Variants in NUDT5 observed in about 807,000 individuals in gnomAD.
NUDT5 encodes ADP-sugar pyrophosphatase.
A neutral mutation model predicts 34.1 loss-of-function variants in NUDT5; 21 were observed. The ratio of observed to expected loss-of-function variants is 0.62; its 90% CI spans 0.44 to 0.89. The LOEUF (loss-of-function observed/expected upper bound fraction) is 0.89, where lower values mean the gene tolerates loss of function less well. Among genes scored for constraint, NUDT5 ranks in the 40% least tolerant of loss-of-function variants. The pLI, the probability that NUDT5 is intolerant of heterozygous loss-of-function variation, is 0.00. For synonymous variants in NUDT5, 85 were observed against 97.6 expected (o/e 0.87, Z 0.76); for missense variants, 249 against 274.8 (o/e 0.91, Z 0.66).
intron 1 of NUDT5, among the ~76,000 whole-genome samples, chr10:12,193,595 C>T (rs1323040109): frequency 6.6e-6 from 1 of 152,206 alleles, no homozygotes; most frequent in South Asian, 2.1e-4. Context: ...AGTGAACCCT[C>T]ATTTAGCTGT....
Position 12,170,110 on chromosome 10 carries a change from T to C in NUDT5, c.550+607A>G. 1 of 1,612,216 alleles carries C rather than the reference T, an allele frequency of 6.2e-7. No homozygotes were observed. Among genetic ancestry groups the C allele is most frequent in the Non-Finnish European group, 8.5e-7 (1 of 1,179,378 alleles). ...TCCATACAGTATCTCCTCTCGTGGT[T>C]TTATCAAAGGACTTTTCTCCCCATA... On this transcript the variant is annotated intron_variant, in intron 9 of 9. Coordinates refer to ENST00000491614, the MANE Select transcript of NUDT5 (RefSeq NM_014142.4). This position sits in a 1 kb window ranked among gnomAD's most constrained non-coding sequence, Gnocchi z 4.9.
At chr10:12,174,650 C>T (rs984491715) in intron 5 of NUDT5, among the ~76,000 whole-genome samples, 1 of 152,206 alleles carries the variant, frequency 6.6e-6, no homozygotes, top group African/African-American at 2.4e-5. Context: ...AAGGCATCAT[C>T]CAGTCGTCCT....
At chr10:12,184,749 T>G (rs1024867850) in intron 3 of NUDT5, 140 bp downstream of exon 3, 2 of 668,458 alleles carry the variant, frequency 3.0e-6, no homozygotes, top group African/African-American at 3.6e-5. Context: ...GCAAACATCC[T>G]AACACTGGAA....
chr10:12,191,180 G>A (rs1398163065), intron 1 of NUDT5, among the ~76,000 whole-genome samples: 2 of 152,082 alleles, frequency 1.3e-5, no homozygotes, highest in South Asian at 2.1e-4. Flanking sequence ...TCAGGAGATC[G>A]AGACCATCCT....
rs1205789048 is a variant in NUDT5, at chr10:12,167,763, T to C, written c.599A>G (p.Tyr200Cys). Residue 200 changes from tyrosine to cysteine, a missense_variant, in exon 10 of 10, where the codon TAC becomes TGC. Coordinates refer to ENST00000491614, the MANE Select transcript of NUDT5 (RefSeq NM_014142.4). ...HLTVDARVYS[Y>C]ALALKHANAK... ...ATTTGCATGTTTCAGTGCTAGAGCGTAGGAATAGACCCTGGCGTCCACTGT... is the reference window on the plus strand; with the variant it reads ...ATTTGCATGTTTCAGTGCTAGAGCGCAGGAATAGACCCTGGCGTCCACTGT... 2 of 1,614,146 alleles carry C rather than the reference T, an allele frequency of 1.2e-6. No individual in the cohort carries two copies. The highest frequency in any genetic ancestry group is 1.7e-5 in the Admixed American group (1 of 60,008).
chr10:12,185,349 G>A (rs142660383), intron 2 of NUDT5, among the ~76,000 whole-genome samples: 3 of 152,326 alleles, frequency 2.0e-5, no homozygotes, highest in Non-Finnish European at 4.4e-5. Flanking sequence ...TTCATATGTA[G>A]AAATGGCCAT....
At chr10:12,174,547 G>A (rs764648435) in intron 5 of NUDT5, among the ~76,000 whole-genome samples, 12 of 152,206 alleles carry the variant, frequency 7.9e-5, no homozygotes, top group Non-Finnish European at 1.5e-4. Context: ...AAAGTGCTGG[G>A]ATTACAGGCA....
rs572947400 is a variant in NUDT5, at chr10:12,188,713, G to A, written c.-41-2381C>T. The stretch of plus-strand genomic sequence containing the variant: ...GCCACTGCACTGCAGCCTGGCGACA[G>A]AGCAAGACTCCATCTAAAAAAAAAA... On this transcript the variant is annotated intron_variant, in intron 1 of 9. Transcript: ENST00000491614. 3.3e-5 allele frequency among the ~76,000 whole-genome samples: 4 copies of A among 119,704 alleles called. No homozygotes were observed. In the East Asian group the frequency reaches 1.1e-3, roughly 32 times the overall value. The allele number at this position is 119,704 out of a possible 152,430, so 78.5% of individuals were successfully genotyped here.
intron 3 of NUDT5, chr10:12,184,391 G>T (rs545263002): frequency 6.1e-5 from 61 of 999,062 alleles, no homozygotes; most frequent in Non-Finnish European, 8.7e-5. Context: ...GGGATTACTC[G>T]GTCAAAGGGT....
At chr10:12,190,649 C>T (rs937604250) in intron 1 of NUDT5, among the ~76,000 whole-genome samples, 16 of 147,332 alleles carry the variant, frequency 1.1e-4, no homozygotes, top group South Asian at 6.6e-4. Context: ...CGCTGCAACA[C>T]CCAGGCTGGA....
intron 4 of NUDT5, among the ~76,000 whole-genome samples, chr10:12,178,186 T>C (rs753015072): frequency 6.6e-6 from 1 of 152,068 alleles, no homozygotes; most frequent in Non-Finnish European, 1.5e-5. Context: ...GGATGTAAGG[T>C]TTCTGACTAC....
At chr10:12,174,913 G>C (rs556675749) in intron 5 of NUDT5, among the ~76,000 whole-genome samples, 1 of 129,766 alleles carries the variant, frequency 7.7e-6, no homozygotes, top group African/African-American at 2.7e-5. Flanking sequence ...GGCCAGAAAG[G>C]AGCAAACTGG....
intron 2 of NUDT5, 37 bp downstream of exon 2, chr10:12,186,192 G>C (rs2131714053): frequency 1.4e-6 from 2 of 1,427,454 alleles, no homozygotes; most frequent in Middle Eastern, 1.8e-4. Context: ...TCAGATTTAT[G>C]TGGGGGAGGG....
chr10:12,176,128 C>T lies in NUDT5; in HGVS notation c.289+1665G>A, dbSNP rs533138778. Among the ~76,000 whole-genome samples the T allele has an allele frequency of 2.6e-3, 382 of 145,178 alleles. 1 individual carries two copies. The highest frequency in any genetic ancestry group is 9.0e-3 in the African/African-American group (354 of 39,474). ...AGGAGAATCACTTGAACCCGGGAGG[C>T]GGAGGTTGCAGTGAGCTGAGATCCT... On this transcript the variant is annotated intron_variant, in intron 5 of 9. Coordinates refer to ENST00000491614, the MANE Select transcript of NUDT5 (RefSeq NM_014142.4).
At chr10:12,186,114 A>G in intron 2 of NUDT5, 115 bp downstream of exon 2, 1 of 879,700 alleles carries the variant, frequency 1.1e-6, no homozygotes, top group Non-Finnish European at 1.8e-6. Flanking sequence ...AGTAGGAAAA[A>G]TCTTTACAAC....
intron 3 of NUDT5, among the ~76,000 whole-genome samples, chr10:12,183,854 A>G (rs990412886): frequency 2.0e-5 from 3 of 152,148 alleles, no homozygotes; most frequent in Non-Finnish European, 2.9e-5. Context: ...AGCTTTTCCC[A>G]TATTGCTAGG....
chr10:12,175,607 A>G lies in NUDT5; in HGVS notation c.290-1794T>C, dbSNP rs1288091864. 6.6e-6 allele frequency among the ~76,000 whole-genome samples: 1 copy of G among 151,950 alleles called. No individual in the cohort carries two copies. The highest frequency in any genetic ancestry group is 1.5e-5 in the Non-Finnish European group (1 of 67,994). ...CAGTGAGCTGTGATTGTGCCACTGC[A>G]CTCCAACATGGGCAACAGAGCTAGA... On this transcript the variant is annotated intron_variant, in intron 5 of 9. Transcript: ENST00000491614. This position sits in a 1 kb window ranked among gnomAD's most constrained non-coding sequence, Gnocchi z 4.8.
rs1459612785 is a variant in NUDT5 at position 12,187,913 on chromosome 10, T to C, written c.-41-1581A>G. Among the ~76,000 whole-genome samples the C allele has an allele frequency of 6.6e-6, 1 of 152,060 alleles. No homozygotes were observed. Among genetic ancestry groups the C allele is most frequent in the Non-Finnish European group, 1.5e-5 (1 of 68,002 alleles). ...GGCTCACACCTGGAATCCTAGCCCT[T>C]TGGGGGACCAAGAGTCTGAGACCAG... On this transcript the variant is annotated intron_variant, in intron 1 of 9. Transcript: ENST00000491614. This position sits in a 1 kb window ranked among gnomAD's most constrained non-coding sequence, Gnocchi z 5.4.
chr10:12,183,216 T>C (rs1161167549), intron 3 of NUDT5, among the ~76,000 whole-genome samples: 1 of 152,218 alleles, frequency 6.6e-6, no homozygotes, highest in African/African-American at 2.4e-5. Context: ...CCTTGCCACA[T>C]TTCTGTATCG....
Sources: allele counts gnomAD v4.1 joint callset (sites outside exome capture counted in the v4.1 genomes callset), GRCh38; gene constraint gnomAD v4.1.1; non-coding constraint Gnocchi (gnomAD v3.1); transcripts MANE v1.5; gene names NCBI Gene and HGNC (gene_info 2026-07-23, HGNC 2026-07-21).